CAMK1D: variants seen among roughly 807,000 people sequenced by gnomAD.
The protein encoded by CAMK1D is calcium/calmodulin-dependent protein kinase type 1D.
Under a neutral mutation model 47.7 loss-of-function variants are expected in CAMK1D, and 9 were observed. The observed-to-expected ratio is 0.19, with a 90% CI of 0.11 to 0.33. CAMK1D has a LOEUF of 0.33. Ranked by LOEUF, CAMK1D falls within the 10% of genes least tolerant of loss-of-function variation. CAMK1D has a pLI of 1.00. For synonymous variants in CAMK1D, 184 were observed against 184.9 expected (o/e 0.99, Z 0.04); for missense variants, 291 against 488.7 (o/e 0.60, Z 3.81).
At chr10:12,369,599 A>G (rs952928280) in intron 1 of CAMK1D, among the ~76,000 whole-genome samples, 3 of 152,172 alleles carry the variant, frequency 2.0e-5, no homozygotes, top group South Asian at 4.1e-4. Context: ...ATGAGTTGCT[A>G]TGTGTCAAAG....
At chr10:12,778,714 T>TA (rs1429360129) in intron 5 of CAMK1D, among the ~76,000 whole-genome samples, 4 of 152,070 alleles carry the variant, frequency 2.6e-5, no homozygotes, top group South Asian at 2.1e-4. Context: ...CCTGTCTCTC[T>TA]AAAAAAATAG....
At chr10:12,547,006 C>G (rs1323185889) in intron 1 of CAMK1D, among the ~76,000 whole-genome samples, 1 of 151,864 alleles carries the variant, frequency 6.6e-6, no homozygotes, top group Non-Finnish European at 1.5e-5. Context: ...ATCAAAGGAC[C>G]AGAAGGGGCT....
intron 1 of CAMK1D, among the ~76,000 whole-genome samples, chr10:12,548,812 C>T (rs1247934840): frequency 1.3e-5 from 2 of 151,884 alleles, no homozygotes; most frequent in Non-Finnish European, 2.9e-5. Flanking sequence ...CAACTACATT[C>T]ACATTGTTGT....
intron 2 of CAMK1D, among the ~76,000 whole-genome samples, chr10:12,619,964 C>A (rs1184100680): frequency 6.6e-6 from 1 of 152,084 alleles, no homozygotes; most frequent in Non-Finnish European, 1.5e-5. Context: ...CTTTTGGGAT[C>A]TTCTTTTTCA....
At chr10:12,586,784 G>A (rs1356927044) in intron 2 of CAMK1D, among the ~76,000 whole-genome samples, 1 of 152,208 alleles carries the variant, frequency 6.6e-6, no homozygotes, top group African/African-American at 2.4e-5. Context: ...CGGGATGGAT[G>A]TAATCTCATA....
At chr10:12,537,314 C>A (rs893587246) in intron 1 of CAMK1D, among the ~76,000 whole-genome samples, 1 of 152,198 alleles carries the variant, frequency 6.6e-6, no homozygotes, top group Non-Finnish European at 1.5e-5. Flanking sequence ...TCAAGTGATC[C>A]GCCTGCCTTG....
chr10:12,362,489 TTTTTTG>T (rs1286447023), intron 1 of CAMK1D, among the ~76,000 whole-genome samples: 2 of 109,278 alleles, frequency 1.8e-5, no homozygotes, highest in East Asian at 7.1e-4. Flanking sequence ...GTACTTTTTG[TTTTTTG>T]TTTTTTGTTT....
intron 4 of CAMK1D, among the ~76,000 whole-genome samples, chr10:12,762,926 G>A (rs1197426605): frequency 6.6e-6 from 1 of 152,166 alleles, no homozygotes; most frequent in Non-Finnish European, 1.5e-5. Flanking sequence ...ACGTTCGTGT[G>A]GTGACCACAG....
intron 3 of CAMK1D, among the ~76,000 whole-genome samples, chr10:12,680,546 A>G (rs1014295250): frequency 2.6e-5 from 4 of 152,202 alleles, no homozygotes; most frequent in African/African-American, 7.2e-5. Context: ...TCCTGAGATG[A>G]TATTTCCAAA....
intron 3 of CAMK1D, among the ~76,000 whole-genome samples, chr10:12,732,291 G>A (rs1834922408): frequency 1.3e-5 from 2 of 152,082 alleles, no homozygotes; most frequent in South Asian, 4.1e-4. Context: ...TATGGGCAGG[G>A]TCATCTCCAT....
intron 2 of CAMK1D, chr10:12,653,132 G>T (rs1840024561): frequency 6.5e-6 from 1 of 154,418 alleles, no homozygotes; most frequent in African/African-American, 2.4e-5. Context: ...ACATGGCTGG[G>T]GGGCTGAGCG....
chr10:12,468,616 A>G (rs890441083), intron 1 of CAMK1D, among the ~76,000 whole-genome samples: 1 of 152,132 alleles, frequency 6.6e-6, no homozygotes, highest in Non-Finnish European at 1.5e-5. Flanking sequence ...CCCACACAGG[A>G]GCACTGCCTG....
At chr10:12,482,484 G>A (rs1834093388) in intron 1 of CAMK1D, among the ~76,000 whole-genome samples, 1 of 152,220 alleles carries the variant, frequency 6.6e-6, no homozygotes, top group African/African-American at 2.4e-5. Context: ...AGGAAAGAAA[G>A]TTGGAATAAT....
intron 6 of CAMK1D, among the ~76,000 whole-genome samples, chr10:12,794,716 C>G (rs1259660451): frequency 6.6e-6 from 1 of 152,114 alleles, no homozygotes; most frequent in Non-Finnish European, 1.5e-5. Context: ...TCTGTTTTCC[C>G]TAGTGCCTTC....
intron 1 of CAMK1D, among the ~76,000 whole-genome samples, chr10:12,449,935 T>C (rs966187631): frequency 1.3e-5 from 2 of 151,910 alleles, no homozygotes; most frequent in Admixed American, 6.6e-5. Context: ...GAGGCAGAGG[T>C]TGCAGTGAGC....
chr10:12,503,818 C>A (rs980113036), intron 1 of CAMK1D, among the ~76,000 whole-genome samples: 2 of 152,120 alleles, frequency 1.3e-5, no homozygotes, highest in Non-Finnish European at 2.9e-5. Context: ...AGTATTTTCC[C>A]TTGGAGTCCT....
chr10:12,654,033 C>G (rs185308470), intron 2 of CAMK1D, among the ~76,000 whole-genome samples: 1 of 152,296 alleles, frequency 6.6e-6, no homozygotes, highest in East Asian at 1.9e-4. Context: ...AGAAACAATA[C>G]CTTTCCCCTA....
At chr10:12,825,511 A>C (rs1833168676) in intron 9 of CAMK1D, 62 bp from the exon 10 acceptor site, 45 of 1,495,012 alleles carry the variant, frequency 3.0e-5, no homozygotes, top group Non-Finnish European at 4.0e-5. Context: ...AAGAGAACAC[A>C]GTTAGAGTCT....
intron 3 of CAMK1D, among the ~76,000 whole-genome samples, chr10:12,684,568 C>T (rs1170004183): frequency 3.9e-5 from 6 of 152,092 alleles, no homozygotes; most frequent in Admixed American, 1.3e-4. Flanking sequence ...GCATCCAAAT[C>T]GTGGGACTGT....
Sources: allele counts gnomAD v4.1 joint callset (sites outside exome capture counted in the v4.1 genomes callset), GRCh38; gene constraint gnomAD v4.1.1; transcripts MANE v1.5; gene names NCBI Gene and HGNC (gene_info 2026-07-23, HGNC 2026-07-21).